Variants in BRINP1 observed in about 807,000 individuals in gnomAD.
The protein encoded by BRINP1 is BMP/retinoic acid inducible neural specific 1, also known as BMP/retinoic acid-inducible neural-specific protein 1.
In BRINP1, 17 loss-of-function variants were observed where a neutral mutation model predicts 72.9. That is an observed-to-expected ratio of 0.23 (90% CI 0.16 to 0.35). The LOEUF is 0.35. BRINP1 is among the 10% of genes least tolerant of loss of function. BRINP1 has a pLI of 1.00. For synonymous variants in BRINP1, 418 were observed against 378.5 expected (o/e 1.10, Z -1.21); for missense variants, 850 against 1,001.6 (o/e 0.85, Z 2.04).
chr9:119,340,059 C>T (rs1349781188), intron 1 of BRINP1, among the ~76,000 whole-genome samples: 2 of 152,186 alleles, frequency 1.3e-5, no homozygotes, highest in African/African-American at 4.8e-5. Flanking sequence ...CAGGAATAAC[C>T]TCAGCTTCCA....
intron 2 of BRINP1, among the ~76,000 whole-genome samples, chr9:119,283,759 C>A (rs1468441071): frequency 6.6e-6 from 1 of 152,200 alleles, no homozygotes; most frequent in East Asian, 1.9e-4. Context: ...TCTCGAACTC[C>A]TGACCTCAGG....
intron 3 of BRINP1, among the ~76,000 whole-genome samples, chr9:119,247,068 C>T (rs1830327510): frequency 6.6e-6 from 1 of 152,182 alleles, no homozygotes; most frequent in South Asian, 2.1e-4. Context: ...TTTCCAGGAA[C>T]TCAGACAAGA....
At chr9:119,234,582 T>C (rs1830176485) in intron 5 of BRINP1, among the ~76,000 whole-genome samples, 2 of 152,322 alleles carry the variant, frequency 1.3e-5, no homozygotes, top group Admixed American at 1.3e-4. Flanking sequence ...TGGCTCATAT[T>C]CTTATAATAT....
intron 7 of BRINP1, among the ~76,000 whole-genome samples, chr9:119,175,754 C>T (rs138013988): frequency 4.1e-4 from 62 of 152,240 alleles, no homozygotes; most frequent in African/African-American, 1.4e-3. Context: ...AGCTTAGAGG[C>T]CTCTCATCTT....
intron 2 of BRINP1, among the ~76,000 whole-genome samples, chr9:119,283,812 C>T (rs964777717): frequency 3.3e-5 from 5 of 152,164 alleles, no homozygotes; most frequent in Non-Finnish European, 7.3e-5. Context: ...GGATTACAGA[C>T]GTAAGCCACT....
chr9:119,259,735 T>C (rs573490154), intron 2 of BRINP1, among the ~76,000 whole-genome samples: 33 of 152,190 alleles, frequency 2.2e-4, no homozygotes, highest in African/African-American at 7.7e-4. Flanking sequence ...TGTCACTGAC[T>C]TAAATTTTAG....
chr9:119,279,480 G>C (rs747600017), intron 2 of BRINP1, among the ~76,000 whole-genome samples: 4 of 152,180 alleles, frequency 2.6e-5, no homozygotes, highest in Non-Finnish European at 4.4e-5. Context: ...TGAGAGAAAG[G>C]GTTGTATCTT....
chr9:119,268,418 T>C (rs1830576141), intron 2 of BRINP1, among the ~76,000 whole-genome samples: 1 of 152,232 alleles, frequency 6.6e-6, no homozygotes, highest in Non-Finnish European at 1.5e-5. Flanking sequence ...TCCAAAGTGG[T>C]CTTTTTCAGC....
Position 119,194,699 on chromosome 9 carries a change from G to A in BRINP1, c.1145+14020C>T, listed in dbSNP as rs566133273. Reference sequence around the variant, plus strand: ...AGAATCCCTAGCAACAAACAGCAAGGAAACAGTAACCTCAGTCCTACAACC... The same window carrying A: ...AGAATCCCTAGCAACAAACAGCAAGAAAACAGTAACCTCAGTCCTACAACC... On this transcript the variant is annotated intron_variant, in intron 7 of 7. Coordinates refer to ENST00000265922, the MANE Select transcript of BRINP1 (RefSeq NM_014618.3). Among the ~76,000 whole-genome samples, 4 of 152,238 alleles carry A rather than the reference G, an allele frequency of 2.6e-5. No individual in the cohort carries two copies. The East Asian group carries it at 7.7e-4, about 29-fold the overall frequency.
chr9:119,241,747 T>C (rs1830251422), intron 4 of BRINP1, among the ~76,000 whole-genome samples: 1 of 152,140 alleles, frequency 6.6e-6, no homozygotes, highest in South Asian at 2.1e-4. Context: ...GTTTCTTCTC[T>C]AGAAAGGGGA....
intron 7 of BRINP1, among the ~76,000 whole-genome samples, chr9:119,187,242 G>A (rs1829632824): frequency 1.3e-5 from 2 of 151,782 alleles, no homozygotes; most frequent in African/African-American, 4.8e-5. Flanking sequence ...CCTGTGTCCT[G>A]GAAAACAGTG....
At chr9:119,248,284 A>G (rs1830343795) in intron 3 of BRINP1, among the ~76,000 whole-genome samples, 2 of 152,240 alleles carry the variant, frequency 1.3e-5, no homozygotes, top group Admixed American at 1.3e-4. Context: ...TCACTGTGGC[A>G]AAACTGGTGC....
chr9:119,255,977 A>C (rs1019717578), intron 2 of BRINP1, among the ~76,000 whole-genome samples: 11 of 151,016 alleles, frequency 7.3e-5, no homozygotes, highest in African/African-American at 1.7e-4. Flanking sequence ...AAAAAAAAAA[A>C]AAAAAACACG....
rs185093821 is a variant in BRINP1, at chr9:119,235,984, C to A, written c.685+2671G>T. On this transcript the variant is annotated intron_variant, in intron 5 of 7. Transcript: ENST00000265922. ...GTCATAAATGTGTACTAGAAAGATC[C>A]ATTTTACATTGAGTTAAAAGCTGGG... Among the ~76,000 whole-genome samples, 179 of 152,188 alleles carry A rather than the reference C, an allele frequency of 1.2e-3. 2 individuals are homozygous for A. The highest frequency in any genetic ancestry group is 1.4e-3 in the Non-Finnish European group (97 of 68,022).
intron 2 of BRINP1, among the ~76,000 whole-genome samples, chr9:119,301,432 C>T (rs2118983792): frequency 6.6e-6 from 1 of 152,204 alleles, no homozygotes; most frequent in Non-Finnish European, 1.5e-5. Flanking sequence ...CAGGTTATGA[C>T]CATTTACATA....
intron 2 of BRINP1, among the ~76,000 whole-genome samples, chr9:119,272,165 G>A (rs112007029): frequency 0.042 from 6,277 of 148,934 alleles, 457 homozygotes; most frequent in African/African-American, 0.15. Flanking sequence ...TGCAACCTCC[G>A]CCTCCCGGGT....
intron 2 of BRINP1, among the ~76,000 whole-genome samples, chr9:119,263,601 C>CTTTTTTTTTTTTTT (rs386416080): frequency 1.3e-5 from 1 of 78,560 alleles, no homozygotes; most frequent in African/African-American, 5.3e-5. Context: ...GTAAACAATT[C>CTTTTTTTTTTTTTT]TTTTTTTTTT....
chr9:119,246,762 T>C (rs1186087669), intron 3 of BRINP1, among the ~76,000 whole-genome samples: 1 of 152,158 alleles, frequency 6.6e-6, no homozygotes, highest in Non-Finnish European at 1.5e-5. Flanking sequence ...ATGTTTTCCA[T>C]AAGTGAATGA....
chr9:119,290,351 A>G (rs1830809197), intron 2 of BRINP1, among the ~76,000 whole-genome samples: 2 of 152,082 alleles, frequency 1.3e-5, no homozygotes, highest in African/African-American at 4.8e-5. Flanking sequence ...CATTCAATAA[A>G]TATTACTGGT....
Sources: allele counts gnomAD v4.1 joint callset (sites outside exome capture counted in the v4.1 genomes callset), GRCh38; gene constraint gnomAD v4.1.1; transcripts MANE v1.5; gene names NCBI Gene and HGNC (gene_info 2026-07-23, HGNC 2026-07-21).